GPR39: variants seen among roughly 807,000 people sequenced by gnomAD.
GPR39 encodes the protein zinc sensing receptor.
In GPR39, 23 loss-of-function variants were observed where a neutral mutation model predicts 18.4. The observed-to-expected ratio is 1.25, with a 90% CI of 0.90 to 1.77. The LOEUF (loss-of-function observed/expected upper bound fraction) is 1.77. Ranked by LOEUF, GPR39 falls within the 40% of genes most tolerant of loss-of-function variation. The probability of loss-of-function intolerance (pLI) is 0.00; values close to 1 mark genes in which losing one functional copy is unlikely to be tolerated. For missense variants in GPR39, 647 were observed against 602.4 expected, an observed-to-expected ratio of 1.07 and a Z score of -0.78; for synonymous variants, 280 against 257.9, an observed-to-expected ratio of 1.09 and a Z score of -0.82.
chr2:132,493,812 G>T (rs1266874055), intron 1 of GPR39, among the ~76,000 whole-genome samples: 1 of 151,974 alleles, frequency 6.6e-6, no homozygotes, highest in Non-Finnish European at 1.5e-5. Context: ...GCTAGATACA[G>T]ACATGAGAGT....
intron 1 of GPR39, among the ~76,000 whole-genome samples, chr2:132,460,144 A>G (rs934722415): frequency 3.3e-5 from 5 of 152,284 alleles, no homozygotes; most frequent in South Asian, 4.1e-4. Flanking sequence ...TCCTAGCAAT[A>G]TGTCTCCTCA....
intron 1 of GPR39, among the ~76,000 whole-genome samples, chr2:132,517,123 AG>A (rs1266401948): frequency 6.6e-6 from 1 of 152,090 alleles, no homozygotes; most frequent in Admixed American, 6.6e-5. Flanking sequence ...AAATGTAAAA[AG>A]CAAAGTCACT....
intron 1 of GPR39, among the ~76,000 whole-genome samples, chr2:132,468,804 C>A (rs185872111): frequency 3.4e-4 from 51 of 152,156 alleles, no homozygotes; most frequent in Non-Finnish European, 5.6e-4. Flanking sequence ...AGGGTAGTGG[C>A]GATGGGCCTG....
chr2:132,501,883 T>A (rs1240279034), intron 1 of GPR39, among the ~76,000 whole-genome samples: 2 of 152,202 alleles, frequency 1.3e-5, no homozygotes, highest in African/African-American at 4.8e-5. Context: ...TGGCCTAATA[T>A]AAGGATCACT....
In GPR39 at chr2:132,614,789, C is replaced by T. The variant is rs184829218; in HGVS notation, c.857-30312C>T. Among the ~76,000 whole-genome samples, 21 of 152,198 alleles carry T rather than the reference C, an allele frequency of 1.4e-4. No homozygotes were observed. In the East Asian group the frequency reaches 3.9e-3, roughly 28 times the overall value. ...CTGGTCTTGAACTCCTGACCACCTG[C>T]CTCAGCCTCCCAAAGTGCTGGGATT... On this transcript the variant is annotated intron_variant, in intron 1 of 1. Coordinates refer to ENST00000329321, the MANE Select transcript of GPR39 (RefSeq NM_001508.3).
chr2:132,531,588 C>T (rs574880156), intron 1 of GPR39, among the ~76,000 whole-genome samples: 45 of 152,260 alleles, frequency 3.0e-4, no homozygotes, highest in Middle Eastern at 3.4e-3. Context: ...AAATTGACCA[C>T]GTAGTTGGAA....
chr2:132,503,421 C>A (rs1679082289), intron 1 of GPR39, among the ~76,000 whole-genome samples: 1 of 152,180 alleles, frequency 6.6e-6, no homozygotes, highest in Non-Finnish European at 1.5e-5. Flanking sequence ...TGTGATATGA[C>A]CCGTCTTCAG....
rs535669453 is a variant in GPR39, at chr2:132,615,387, T to C, written c.857-29714T>C. ...CCCGCTTTGGTGTTAACCTTCACCT[T>C]GCGTGCCTTCCTCGCAGGCATCATT... On this transcript the variant is annotated intron_variant, in intron 1 of 1. Coordinates refer to ENST00000329321, the MANE Select transcript of GPR39 (RefSeq NM_001508.3). Among the ~76,000 whole-genome samples the C allele has an allele frequency of 3.9e-5, 6 of 152,320 alleles. No individual in the cohort carries two copies. In the East Asian group the frequency reaches 9.7e-4, roughly 25 times the overall value.
At chr2:132,458,553 A>G (rs148669740) in intron 1 of GPR39, among the ~76,000 whole-genome samples, 1 of 150,248 alleles carries the variant, frequency 6.7e-6, no homozygotes, top group African/African-American at 2.4e-5. Context: ...CATTTTTTGT[A>G]TCTGCTCCAT....
At chr2:132,565,549 C>A (rs1340002940) in intron 1 of GPR39, among the ~76,000 whole-genome samples, 2 of 113,466 alleles carry the variant, frequency 1.8e-5, no homozygotes, top group Non-Finnish European at 3.5e-5. Context: ...ATCCCTCCCC[C>A]CTCCCCCCAC....
intron 1 of GPR39, among the ~76,000 whole-genome samples, chr2:132,558,212 T>C (rs577194109): frequency 6.6e-6 from 1 of 152,176 alleles, no homozygotes; most frequent in Non-Finnish European, 1.5e-5. Context: ...CTGTTAAGTT[T>C]CTTAGTCTCT....
At chr2:132,566,183 G>C (rs1680346862) in intron 1 of GPR39, among the ~76,000 whole-genome samples, 1 of 147,348 alleles carries the variant, frequency 6.8e-6, no homozygotes, top group Non-Finnish European at 1.5e-5. Context: ...GTGTTTTTTG[G>C]CTGCATAAAT....
chr2:132,426,734 G>A (rs912993305), intron 1 of GPR39, among the ~76,000 whole-genome samples: 1 of 152,234 alleles, frequency 6.6e-6, no homozygotes, highest in Non-Finnish European at 1.5e-5. Context: ...GGCAAGCAGA[G>A]GGTTTAACAC....
intron 1 of GPR39, among the ~76,000 whole-genome samples, chr2:132,566,152 T>C (rs1573671141): frequency 6.7e-6 from 1 of 148,514 alleles, no homozygotes; most frequent in South Asian, 2.2e-4. Flanking sequence ...TGATGGCCAG[T>C]GATGATGAGC....
intron 1 of GPR39, among the ~76,000 whole-genome samples, chr2:132,632,321 T>G (rs1469792054): frequency 6.6e-6 from 1 of 152,138 alleles, no homozygotes; most frequent in East Asian, 1.9e-4. Context: ...TTATTGTGTT[T>G]CCCTTACAAG....
At chr2:132,481,295 T>C (rs1489012043) in intron 1 of GPR39, among the ~76,000 whole-genome samples, 1 of 152,202 alleles carries the variant, frequency 6.6e-6, no homozygotes, top group East Asian at 1.9e-4. Flanking sequence ...GTAGTAGATT[T>C]GTAATTCCAA....
intron 1 of GPR39, among the ~76,000 whole-genome samples, chr2:132,555,292 A>G (rs781115803): frequency 9.9e-5 from 15 of 152,112 alleles, no homozygotes; most frequent in Non-Finnish European, 2.1e-4. Context: ...TGTGAAACAA[A>G]TTACCCAAAA....
At chr2:132,492,678 T>C (rs1175561810) in intron 1 of GPR39, among the ~76,000 whole-genome samples, 1 of 140,422 alleles carries the variant, frequency 7.1e-6, no homozygotes, top group Non-Finnish European at 1.5e-5. Context: ...ATATATATAA[T>C]ATATATACAC....
chr2:132,562,719 C>G (rs1239744034), intron 1 of GPR39, among the ~76,000 whole-genome samples: 1 of 152,006 alleles, frequency 6.6e-6, no homozygotes, highest in Non-Finnish European at 1.5e-5. Flanking sequence ...CAGGGGTTAT[C>G]TACTATTTAC....
Sources: gnomAD v4.1 joint callset for allele counts (sites outside exome capture counted in the v4.1 genomes callset) on GRCh38, gnomAD v4.1.1 for gene constraint, MANE v1.5 for transcripts, NCBI Gene and HGNC (gene_info 2026-07-23, HGNC 2026-07-21) for gene names.